MRPS31: variants seen among roughly 807,000 people sequenced by gnomAD.
MRPS31 encodes small ribosomal subunit protein mS31.
In MRPS31, 32 loss-of-function variants were observed where a neutral mutation model predicts 43.1. The observed-to-expected ratio is 0.74, with a 90% CI of 0.56 to 1.00. The LOEUF is 1.00. MRPS31 is among the 50% of genes least tolerant of loss of function. MRPS31 has a pLI of 0.00. For missense variants in MRPS31, 437 were observed against 466.7 expected (o/e 0.94, Z 0.59); for synonymous variants, 165 against 161.6 (o/e 1.02, Z -0.16).
chr13:40,758,410 A>G (rs1880596171), intron 3 of MRPS31, among the ~76,000 whole-genome samples: 1 of 152,210 alleles, frequency 6.6e-6, no homozygotes, highest in South Asian at 2.1e-4. Context: ...ATTGAGAACA[A>G]CTGATTTAGA....
At position 40,766,684 on chromosome 13, in the gene MRPS31, T is replaced by A. The variant is rs1880856814; in HGVS notation, c.440+62A>T. 6 of 1,460,570 alleles carry A rather than the reference T, an allele frequency of 4.1e-6. No individual in the cohort carries two copies. In the South Asian group the frequency reaches 8.2e-5, roughly 20 times the overall value. 90.5% of individuals were successfully genotyped at this position (1,460,570 alleles called of 1,614,324 possible). On this transcript the variant is annotated intron_variant, in intron 2 of 6. Coordinates refer to ENST00000323563, the MANE Select transcript of MRPS31 (RefSeq NM_005830.4). Reference sequence around the variant, plus strand: ...CCCAAGTACTTGTATTAAAAATATTTTTTACCAAAACAAAAAGCTTACTGG... The same window carrying A: ...CCCAAGTACTTGTATTAAAAATATTATTTACCAAAACAAAAAGCTTACTGG...
intron 6 of MRPS31, among the ~76,000 whole-genome samples, chr13:40,732,953 AT>A (rs1413305472): frequency 6.6e-6 from 1 of 151,692 alleles, no homozygotes; most frequent in Non-Finnish European, 1.5e-5. Context: ...GGGAAAAAAA[AT>A]CTAACACTAA....
chr13:40,757,015 T>A lies in MRPS31; in HGVS notation c.600-2A>T. 6.2e-7 allele frequency: 1 copy of A among 1,601,128 alleles called. No homozygotes were observed. The highest frequency in any genetic ancestry group is 1.7e-5 in the Admixed American group (1 of 57,290). ...ATATCTGATATTATGTTACTGAAAC[T>A]GAAATAATAAAAAGGTCAAGTGTAT... On this transcript the variant is annotated splice_acceptor_variant, in intron 3 of 6. Transcript: ENST00000323563. LOFTEE classifies it high-confidence loss of function.
At chr13:40,738,393 A>G (rs955281409) in intron 6 of MRPS31, among the ~76,000 whole-genome samples, 6 of 152,172 alleles carry the variant, frequency 3.9e-5, no homozygotes, top group African/African-American at 1.4e-4. Context: ...TTCTGAAATT[A>G]TTCCAATCAA....
At chr13:40,752,925 G>A (rs1341429639) in intron 5 of MRPS31, among the ~76,000 whole-genome samples, 1 of 152,038 alleles carries the variant, frequency 6.6e-6, no homozygotes, top group Non-Finnish European at 1.5e-5. Flanking sequence ...ATTTTTTAGA[G>A]AAAGGGGCTA....
intron 6 of MRPS31, among the ~76,000 whole-genome samples, chr13:40,732,360 C>T (rs1180115575): frequency 6.6e-6 from 1 of 152,180 alleles, no homozygotes; most frequent in Non-Finnish European, 1.5e-5. Flanking sequence ...AAGTGTCTAG[C>T]GTAAGTGACA....
At chr13:40,768,583 G>A (rs1880914091) in intron 1 of MRPS31, among the ~76,000 whole-genome samples, 1 of 152,110 alleles carries the variant, frequency 6.6e-6, no homozygotes, top group Non-Finnish European at 1.5e-5. Flanking sequence ...TTTTTGTAGA[G>A]ACAGGGTTTC....
intron 5 of MRPS31, chr13:40,752,504 C>A (rs890845867): frequency 6.6e-6 from 1 of 152,164 alleles, no homozygotes; most frequent in Non-Finnish European, 1.5e-5. Context: ...GAATTAACTT[C>A]TTTCCTCTAC....
rs539542256 is a variant in MRPS31, at chr13:40,767,013, C to A, written c.173G>T (p.Arg58Ile). Residue 58 changes from arginine to isoleucine, a missense_variant, in exon 2 of 7, where the codon AGA (arginine) becomes ATA (isoleucine). By Grantham distance (97) the Arg-to-Ile change is moderately conservative (BLOSUM62 -3). Transcript: ENST00000323563. ...GATCACACTGTTAGTGCCAAAATAT[C>A]TTTGGATGTTATTTTTTGTCCTGGA... is the stretch of plus-strand genomic sequence containing the variant. ...LLARTKNNIQRYFGTNSVICS... is the reference protein window; with the variant it reads ...LLARTKNNIQIYFGTNSVICS... 6.2e-7 allele frequency: 1 copy of A among 1,605,700 alleles called. No homozygotes were observed. Among genetic ancestry groups the A allele is most frequent in the South Asian group, 1.1e-5 (1 of 88,544 alleles).
chr13:40,756,725 T>C (rs1880538230), intron 4 of MRPS31, 148 bp downstream of exon 4: 12 of 908,398 alleles, frequency 1.3e-5, no homozygotes, highest in Non-Finnish European at 2.0e-5. Flanking sequence ...GGAAGTGGTA[T>C]ACAGAGAGTA....
intron 6 of MRPS31, 28 bp from the exon 7 acceptor site, chr13:40,729,629 T>A: frequency 1.5e-6 from 2 of 1,339,508 alleles, no homozygotes. Flanking sequence ...ATACATTACA[T>A]TATAATTTTA....
intron 5 of MRPS31, among the ~76,000 whole-genome samples, chr13:40,750,742 T>A (rs1464345972): frequency 5.3e-5 from 7 of 130,852 alleles, no homozygotes; most frequent in African/African-American, 2.0e-4. Context: ...GTATCCCATT[T>A]TATATATATA....
At chr13:40,745,494 T>G (rs1460709693) in intron 6 of MRPS31, among the ~76,000 whole-genome samples, 1 of 152,132 alleles carries the variant, frequency 6.6e-6, no homozygotes. Context: ...TCAGGTGATA[T>G]ACCTGCCTCA....
At chr13:40,770,915 A>G in intron 1 of MRPS31, 70 bp downstream of exon 1, 1 of 1,577,712 alleles carries the variant, frequency 6.3e-7, no homozygotes, top group South Asian at 1.1e-5. Flanking sequence ...AAGACCCAGC[A>G]GGTGGTAACA....
intron 6 of MRPS31, among the ~76,000 whole-genome samples, chr13:40,737,532 A>G (rs1879957267): frequency 6.6e-6 from 1 of 152,192 alleles, no homozygotes; most frequent in African/African-American, 2.4e-5. Context: ...CATACTTGGA[A>G]GTAAAGCTCT....
At chr13:40,745,650 AAC>A (rs1313688593) in intron 6 of MRPS31, among the ~76,000 whole-genome samples, 5 of 152,062 alleles carry the variant, frequency 3.3e-5, no homozygotes, top group Admixed American at 1.3e-4. Context: ...TTTATATTTT[AAC>A]AGTGTCTTTC....
In MRPS31 at chr13:40,735,291, G is replaced by C. The variant is rs527652523; in HGVS notation, c.959-5690C>G. On this transcript the variant is annotated intron_variant, in intron 6 of 6. Coordinates refer to ENST00000323563, the MANE Select transcript of MRPS31 (RefSeq NM_005830.4). ...GCTCAGAGGGTCCTACGCCCACGGA[G>C]TCTCGCTGATTGCTAGCACAGCAGT... is the stretch of plus-strand genomic sequence containing the variant. Among the ~76,000 whole-genome samples the C allele has an allele frequency of 2.6e-5, 4 of 152,360 alleles. No individual in the cohort carries two copies. In the East Asian group the frequency reaches 7.7e-4, roughly 29 times the overall value.
At chr13:40,736,190 GATGAAATGA>G in intron 6 of MRPS31, among the ~76,000 whole-genome samples, 1 of 152,094 alleles carries the variant, frequency 6.6e-6, no homozygotes, top group South Asian at 2.1e-4. Context: ...AGCAATGGAA[GATGAAATGA>G]ATGAAATGAA....
At chr13:40,769,422 T>A (rs1041347732) in intron 1 of MRPS31, among the ~76,000 whole-genome samples, 46 of 89,280 alleles carry the variant, frequency 5.2e-4, no homozygotes, top group African/African-American at 8.8e-4. Flanking sequence ...ATATATATAT[T>A]ATCAAGTTCT....
Sources: gnomAD v4.1 joint callset for allele counts (sites outside exome capture counted in the v4.1 genomes callset) on GRCh38, gnomAD v4.1.1 for gene constraint, MANE v1.5 for transcripts, NCBI Gene and HGNC (gene_info 2026-07-23, HGNC 2026-07-21) for gene names.